The following TTC29 variants were observed in gnomAD, a reference collection of about 807,000 sequenced individuals.
TTC29 encodes the protein tetratricopeptide repeat protein 29.
A neutral mutation model predicts 58.1 loss-of-function variants in TTC29; 49 were observed. That is an observed-to-expected ratio of 0.84 (90% confidence interval 0.67 to 1.07). TTC29 has a LOEUF of 1.07. Among genes scored for constraint, TTC29 ranks in the 50% least tolerant of loss-of-function variants. The pLI, the probability that TTC29 is intolerant of heterozygous loss-of-function variation, is 0.00. For missense variants in TTC29, 582 were observed against 555.6 expected, an observed-to-expected ratio of 1.05 and a Z score of -0.48; for synonymous variants, 209 against 196.8, an observed-to-expected ratio of 1.06 and a Z score of -0.52.
intron 11 of TTC29, among the ~76,000 whole-genome samples, chr4:146,776,330 G>A (rs777363743): frequency 5.3e-5 from 8 of 152,116 alleles, no homozygotes; most frequent in Non-Finnish European, 1.0e-4. Context: ...TGGGGAACTA[G>A]TGGTAAGAAG....
chr4:146,916,151 CT>C (rs1734206564), intron 4 of TTC29, among the ~76,000 whole-genome samples: 1 of 151,660 alleles, frequency 6.6e-6, no homozygotes, highest in Non-Finnish European at 1.5e-5. Flanking sequence ...TCTTACCTAT[CT>C]TTTTCGGTGT....
intron 2 of TTC29, among the ~76,000 whole-genome samples, chr4:146,941,969 T>C (rs956680261): frequency 6.6e-6 from 1 of 152,170 alleles, no homozygotes; most frequent in Non-Finnish European, 1.5e-5. Context: ...AATATTCCTC[T>C]AGTGCTACAA....
intron 8 of TTC29, among the ~76,000 whole-genome samples, chr4:146,859,508 T>A (rs1730088779): frequency 6.6e-6 from 1 of 152,194 alleles, no homozygotes; most frequent in South Asian, 2.1e-4. Flanking sequence ...CTATGAATTC[T>A]GGCATAACCC....
chr4:146,719,008 G>T (rs1743155963), intron 11 of TTC29, among the ~76,000 whole-genome samples: 1 of 151,992 alleles, frequency 6.6e-6, no homozygotes, highest in Admixed American at 6.6e-5. Context: ...AAAATCAATT[G>T]ACCATACACA....
At chr4:146,798,301 A>T (rs944996236) in intron 11 of TTC29, among the ~76,000 whole-genome samples, 2 of 152,128 alleles carry the variant, frequency 1.3e-5, no homozygotes, top group African/African-American at 4.8e-5. Context: ...GGAAATGCTA[A>T]GGGGAAGTAA....
chr4:146,755,627 GAAGT>G (rs551738747), intron 11 of TTC29, among the ~76,000 whole-genome samples: 10 of 152,058 alleles, frequency 6.6e-5, no homozygotes, highest in Admixed American at 3.9e-4. Flanking sequence ...ACAAAATCAA[GAAGT>G]AATAGGTAAG....
chr4:146,854,210 A>G (rs1729691161), intron 8 of TTC29, among the ~76,000 whole-genome samples: 1 of 152,078 alleles, frequency 6.6e-6, no homozygotes, highest in African/African-American at 2.4e-5. Context: ...CATGTACTCA[A>G]TTCCACATCT....
chr4:146,899,747 T>C (rs992271374), intron 6 of TTC29, among the ~76,000 whole-genome samples: 6 of 152,200 alleles, frequency 3.9e-5, no homozygotes, highest in Non-Finnish European at 7.3e-5. Context: ...GGCTCTGGCT[T>C]CTGCTCATGT....
At chr4:146,908,620 C>T (rs1486182892) in intron 5 of TTC29, among the ~76,000 whole-genome samples, 1 of 152,126 alleles carries the variant, frequency 6.6e-6, no homozygotes, top group Non-Finnish European at 1.5e-5. Flanking sequence ...AGTCCACTAT[C>T]TAAACTTAGG....
At position 146,903,632 on chromosome 4, in the gene TTC29, A is replaced by G. The variant is rs1450787563; in HGVS notation, c.498T>C (p.Cys166=). 1.2e-6 allele frequency: 2 copies of G among 1,613,062 alleles called. No individual in the cohort carries two copies. Among genetic ancestry groups the G allele is most frequent in the Admixed American group, 1.7e-5 (1 of 59,904 alleles). The change falls in exon 6 of 13, where the codon TGT becomes TGC. Residue 166 remains cysteine (C), a synonymous_variant. Transcript: ENST00000325106. The stretch of plus-strand genomic sequence containing the variant: ...TTTTGATCAGCTGAGCAATCTTAAA[A>G]CATCGTTCATAGAAGTGGTTCCTTA... ...KWVRNHFYER[C]FKIAQLIKID...
chr4:146,772,425 G>T (rs1416099469), intron 11 of TTC29, among the ~76,000 whole-genome samples: 2 of 151,962 alleles, frequency 1.3e-5, no homozygotes, highest in Non-Finnish European at 2.9e-5. Flanking sequence ...GTAAGAAAGG[G>T]GTCCAGTTTC....
chr4:146,718,405 G>A (rs563480894), intron 11 of TTC29, among the ~76,000 whole-genome samples: 122 of 152,162 alleles, frequency 8.0e-4, no homozygotes, highest in African/African-American at 2.8e-3. Flanking sequence ...GGTAACAGCC[G>A]TTCTAACAGG....
chr4:146,892,977 C>T (rs1732487496), intron 6 of TTC29, among the ~76,000 whole-genome samples: 1 of 152,060 alleles, frequency 6.6e-6, no homozygotes, highest in South Asian at 2.1e-4. Context: ...TTAGAAGGGA[C>T]ATGAAGGACC....
At chr4:146,886,101 T>A (rs1731963735) in intron 6 of TTC29, among the ~76,000 whole-genome samples, 1 of 152,156 alleles carries the variant, frequency 6.6e-6, no homozygotes, top group Non-Finnish European at 1.5e-5. Context: ...TCTTTTTCCC[T>A]ACCTCCTGCC....
chr4:146,857,674 C>T (rs979243448), intron 8 of TTC29, among the ~76,000 whole-genome samples: 12 of 152,114 alleles, frequency 7.9e-5, no homozygotes, highest in African/African-American at 2.9e-4. Context: ...GAGCTCCCCT[C>T]AGTTACCCAG....
intron 8 of TTC29, among the ~76,000 whole-genome samples, chr4:146,855,041 C>A (rs560146436): frequency 6.6e-6 from 1 of 152,260 alleles, no homozygotes; most frequent in African/African-American, 2.4e-5. Context: ...TGCCTGTAAT[C>A]CCAGCAGCAC....
chr4:146,812,025 A>G (rs1751057627), intron 10 of TTC29, among the ~76,000 whole-genome samples: 1 of 150,930 alleles, frequency 6.6e-6, no homozygotes, highest in Non-Finnish European at 1.5e-5. Flanking sequence ...AAATTTATAT[A>G]AGAAAAAAAG....
chr4:146,745,719 A>C (rs543746623), intron 11 of TTC29, among the ~76,000 whole-genome samples: 1 of 152,316 alleles, frequency 6.6e-6, no homozygotes, highest in Admixed American at 6.5e-5. Context: ...ATTGACTCTT[A>C]CGCTGTTTTC....
In TTC29 at chr4:146,909,170, C is replaced by G. The variant is rs201837176; in HGVS notation, c.256G>C (p.Ala86Pro). The change falls in exon 5 of 13, where the codon GCT becomes CCT. Residue 86 changes from alanine (A) to proline (P), a missense_variant. Physicochemically the swap from Ala to Pro is conservative, Grantham distance 27. Transcript: ENST00000325106. ...AGGGCATCCCACCGCTCCATCAGAG[C>G]GAAGAGCTCGGTGAAGGACTTATGA... The part of the protein sequence containing the change: ...GYHKSFTELF[A>P]LMERWDALRE... 260 of 1,613,640 alleles carry G rather than the reference C, an allele frequency of 1.6e-4. 1 individual carries two copies. The highest frequency in any genetic ancestry group is 1.4e-4 in the Non-Finnish European group (169 of 1,179,838).
Sources: allele counts gnomAD v4.1 joint callset (sites outside exome capture counted in the v4.1 genomes callset), GRCh38; gene constraint gnomAD v4.1.1; transcripts MANE v1.5; gene names NCBI Gene and HGNC (gene_info 2026-07-23, HGNC 2026-07-21).